Variants in SNW1 observed in about 807,000 individuals in gnomAD.
The protein encoded by SNW1 is SNW domain-containing protein 1.
A neutral mutation model predicts 75.6 loss-of-function variants in SNW1; 9 were observed. The observed-to-expected ratio is 0.12, with a 90% confidence interval of 0.07 to 0.21. The LOEUF is 0.21. Ranked by LOEUF, SNW1 falls within the 10% of genes least tolerant of loss-of-function variation. The pLI is 1.00. For synonymous variants in SNW1, 200 were observed against 219.1 expected (o/e 0.91, Z 0.77); for missense variants, 409 against 670.9 (o/e 0.61, Z 4.31).
chr14:77,757,355 A>G (rs1227214983), intron 1 of SNW1, among the ~76,000 whole-genome samples: 1 of 152,226 alleles, frequency 6.6e-6, no homozygotes, highest in Non-Finnish European at 1.5e-5. Flanking sequence ...GGCTAGGCTC[A>G]GAATTCAGAT....
At chr14:77,735,132 A>G (rs1173035644) in intron 7 of SNW1, 120 bp from the exon 8 acceptor site, 1 of 618,856 alleles carries the variant, frequency 1.6e-6, no homozygotes, top group African/African-American at 1.9e-5. Flanking sequence ...GCCGTAGTAA[A>G]AGGCCAGCAG....
chr14:77,739,499 A>G (rs533161198), intron 3 of SNW1, among the ~76,000 whole-genome samples: 1 of 152,236 alleles, frequency 6.6e-6, no homozygotes, highest in Non-Finnish European at 1.5e-5. Flanking sequence ...TATTGACCTC[A>G]TCCTATTTAT....
intron 3 of SNW1, among the ~76,000 whole-genome samples, chr14:77,747,743 G>C (rs1022662249): frequency 2.0e-5 from 3 of 151,648 alleles, no homozygotes; most frequent in African/African-American, 4.8e-5. Flanking sequence ...CCCCGTCTGG[G>C]AGGGAGGTGG....
At chr14:77,733,882 A>AGG (rs1366786160) in intron 8 of SNW1, 1 of 405,646 alleles carries the variant, frequency 2.5e-6, no homozygotes, top group Non-Finnish European at 4.9e-6. Flanking sequence ...TGTAACTTTC[A>AGG]GGCTTAGCTT....
intron 2 of SNW1, among the ~76,000 whole-genome samples, chr14:77,753,689 C>G (rs936859293): frequency 1.3e-5 from 2 of 152,048 alleles, no homozygotes; most frequent in Non-Finnish European, 2.9e-5. Flanking sequence ...CGGTGGCTCA[C>G]ACCTGTAATC....
intron 1 of SNW1, among the ~76,000 whole-genome samples, chr14:77,757,891 A>G (rs1435649037): frequency 6.6e-6 from 1 of 152,018 alleles, no homozygotes; most frequent in Non-Finnish European, 1.5e-5. Flanking sequence ...TACATTGGCT[A>G]TTCCTTCTGC....
intron 10 of SNW1, among the ~76,000 whole-genome samples, chr14:77,725,295 C>T (rs555617642): frequency 6.6e-6 from 1 of 152,340 alleles, no homozygotes; most frequent in African/African-American, 2.4e-5. Flanking sequence ...GTGGCCTCTT[C>T]AGTCTGTTGA....
chr14:77,760,311 A>T (rs1355723911), intron 1 of SNW1, among the ~76,000 whole-genome samples: 1 of 152,184 alleles, frequency 6.6e-6, no homozygotes, highest in African/African-American at 2.4e-5. Flanking sequence ...TGATGTCCTG[A>T]AAGGATTACT....
At chr14:77,719,118 G>A (rs79381682) in intron 12 of SNW1, among the ~76,000 whole-genome samples, 8,223 of 152,106 alleles carry the variant, frequency 0.054, 296 homozygotes, top group Middle Eastern at 0.088. Context: ...TGCCCAGGCC[G>A]GTCTTAAACT....
intron 1 of SNW1, among the ~76,000 whole-genome samples, chr14:77,758,868 A>AAGTGT (rs142986465): frequency 0.032 from 4,842 of 152,320 alleles, 114 homozygotes; most frequent in Non-Finnish European, 0.051. Flanking sequence ...GACACCAGTC[A>AAGTGT]AGTGTCCTCT....
Position 77,760,913 on chromosome 14 carries a change from A to AAACCCG in SNW1, c.14+195_14+200dup, listed in dbSNP as rs1266621243. 11 of 1,230,954 alleles carry AAACCCG rather than the reference A, an allele frequency of 8.9e-6. No individual in the cohort carries two copies. The African/African-American group carries it at 1.6e-4, about 18-fold the overall frequency. The allele number at this position is 1,230,954 out of a possible 1,614,324, so 76.3% of individuals were successfully genotyped here. On this transcript the variant is annotated intron_variant, in intron 1 of 13. Coordinates refer to ENST00000261531, the MANE Select transcript of SNW1 (RefSeq NM_012245.3). ...TTCGGCCTCGGTGAGCGGGTGAACTAAACCCGGGAAACCGCTGAAAGACCC... is the reference window on the plus strand; with the variant it reads ...TTCGGCCTCGGTGAGCGGGTGAACTAAACCCGAACCCGGGAAACCGCTGAAAGACCC...
At chr14:77,721,948 A>G (rs2080544537) in intron 11 of SNW1, among the ~76,000 whole-genome samples, 1 of 152,048 alleles carries the variant, frequency 6.6e-6, no homozygotes, top group Admixed American at 6.6e-5. Flanking sequence ...GGGTTTCACC[A>G]TGTTGGCCAG....
At chr14:77,729,977 C>T (rs116782942) in intron 10 of SNW1, among the ~76,000 whole-genome samples, 2,156 of 152,278 alleles carry the variant, frequency 0.014, 57 homozygotes, top group African/African-American at 0.049. Flanking sequence ...GACACCTCAT[C>T]TCCTACTTAT....
At chr14:77,757,224 C>CAAA (rs201528915) in intron 1 of SNW1, among the ~76,000 whole-genome samples, 8 of 142,306 alleles carry the variant, frequency 5.6e-5, no homozygotes, top group African/African-American at 1.8e-4. Context: ...AGACAGAGAC[C>CAAA]AAAAAAAAAA....
chr14:77,755,185 A>G lies in SNW1; in HGVS notation c.15-65T>C, dbSNP rs1478975465. 2.1e-6 allele frequency: 3 copies of G among 1,419,336 alleles called. No homozygotes were observed. In the African/African-American group the frequency reaches 4.4e-5, roughly 21 times the overall value. The allele number at this position is 1,419,336 out of a possible 1,614,324, so 87.9% of individuals were successfully genotyped here. On this transcript the variant is annotated intron_variant, in intron 1 of 13. Coordinates refer to ENST00000261531, the MANE Select transcript of SNW1 (RefSeq NM_012245.3). ...TCTTATGTTTAATTTGACCACTGCA[A>G]CTTGGCCACAGAGACAATTTTTCCT... is the stretch of plus-strand genomic sequence containing the variant.
chr14:77,730,845 A>C, intron 10 of SNW1, 143 bp downstream of exon 10: 1 of 815,746 alleles, frequency 1.2e-6, no homozygotes, highest in Non-Finnish European at 1.9e-6. Flanking sequence ...GGCAGAGATT[A>C]CTCTCCATTT....
Position 77,761,143 on chromosome 14 carries a change from C to G in SNW1, c.-16G>C, listed in dbSNP as rs1210582964. 1.2e-6 allele frequency: 2 copies of G among 1,614,132 alleles called. No individual in the cohort carries two copies. The highest frequency in any genetic ancestry group is 1.7e-6 in the Non-Finnish European group (2 of 1,180,048). ...TGAGCGCCATCTTCTTCCGCTTCTT[C>G]CAGCGCGAGCGACAGCACCGCTGGG... On this transcript the variant is annotated 5_prime_UTR_variant, in exon 1 of 14. Coordinates refer to ENST00000261531, the MANE Select transcript of SNW1 (RefSeq NM_012245.3).
chr14:77,736,911 ATTGTT>A (rs1451782905), intron 6 of SNW1, 55 bp downstream of exon 6: 1 of 1,234,648 alleles, frequency 8.1e-7, no homozygotes, highest in African/African-American at 1.5e-5. Flanking sequence ...CACTCAGCAT[ATTGTT>A]TTGAGATTCA....
At chr14:77,722,732 A>T in intron 11 of SNW1, 1 of 364,496 alleles carries the variant, frequency 2.7e-6, no homozygotes, top group Non-Finnish European at 5.3e-6. Context: ...TAATTTATTA[A>T]GTTATCAAAC....
Sources: gnomAD v4.1 joint callset for allele counts (sites outside exome capture counted in the v4.1 genomes callset) on GRCh38, gnomAD v4.1.1 for gene constraint, MANE v1.5 for transcripts, NCBI Gene and HGNC (gene_info 2026-07-23, HGNC 2026-07-21) for gene names.